ACAT1: variants seen among roughly 807,000 people sequenced by gnomAD.
The protein encoded by ACAT1 is acetyl-CoA acetyltransferase 1.
A neutral mutation model predicts 47.3 loss-of-function variants in ACAT1; 28 were observed. The ratio of observed to expected loss-of-function variants is 0.59; its 90% confidence interval spans 0.44 to 0.81. The LOEUF (loss-of-function observed/expected upper bound fraction) is 0.81. Ranked by LOEUF, ACAT1 falls within the 30% of genes least tolerant of loss-of-function variation. ACAT1 has a pLI of 0.00. For synonymous variants in ACAT1, 181 were observed against 173.6 expected (o/e 1.04, Z -0.34); for missense variants, 469 against 524.3 (o/e 0.89, Z 1.03).
intron 9 of ACAT1, chr11:108,143,691 C>A: frequency 3.6e-6 from 1 of 279,918 alleles, no homozygotes; most frequent in Non-Finnish European, 6.8e-6. Flanking sequence ...TAGCAGAATC[C>A]TTAGTCTTTA....
chr11:108,127,305 C>G (rs1006565057), intron 1 of ACAT1, among the ~76,000 whole-genome samples: 4 of 150,016 alleles, frequency 2.7e-5, no homozygotes, highest in Non-Finnish European at 1.5e-5. Context: ...CACTCTGTCA[C>G]CCAGGCTGGA....
At position 108,134,320 on chromosome 11, in the gene ACAT1, C is replaced by T; in HGVS notation, c.334+4C>T. ...AGGCAGGCAGTATTGGGTGCAGGTA[C>T]CTGGAAGACTTTTTTGCTTTTATAC... On this transcript the variant is annotated splice_donor_region_variant and intron_variant, in intron 4 of 11. Coordinates refer to ENST00000265838, the MANE Select transcript of ACAT1 (RefSeq NM_000019.4). 1 of 1,612,024 alleles carries T rather than the reference C, an allele frequency of 6.2e-7. No individual in the cohort carries two copies. Among genetic ancestry groups the T allele is most frequent in the Non-Finnish European group, 8.5e-7 (1 of 1,178,658 alleles).
chr11:108,121,278 C>T, upstream of ACAT1: 1 of 464,132 alleles, frequency 2.2e-6, no homozygotes, highest in Non-Finnish European at 4.0e-6. Context: ...CTCAGTAAAT[C>T]GAAAAATCTC....
intron 6 of ACAT1, among the ~76,000 whole-genome samples, chr11:108,139,751 C>T (rs537699275): frequency 6.2e-4 from 95 of 152,218 alleles, no homozygotes; most frequent in Non-Finnish European, 1.2e-3. Context: ...GCCTCCGCCT[C>T]CTGGGCTCAA....
chr11:108,121,787 T>C (rs965871887), intron 1 of ACAT1, 109 bp downstream of exon 1: 1 of 1,295,532 alleles, frequency 7.7e-7, no homozygotes, highest in Non-Finnish European at 1.1e-6. Flanking sequence ...GGCGCGCGGC[T>C]TAGGCCCCAG....
At chr11:108,135,100 T>G (rs1219381825) in intron 4 of ACAT1, 42 bp from the exon 5 acceptor site, 1 of 1,409,740 alleles carries the variant, frequency 7.1e-7, no homozygotes, top group East Asian at 2.3e-5. Flanking sequence ...TGCAGTTGTG[T>G]TTGAGTATCG....
intron 5 of ACAT1, among the ~76,000 whole-genome samples, chr11:108,137,119 C>T (rs531731500): frequency 2.4e-4 from 36 of 152,238 alleles, no homozygotes; most frequent in Non-Finnish European, 4.4e-4. Context: ...ATATTAAAAG[C>T]ATTGCATAGT....
upstream of ACAT1, chr11:108,121,506 A>G (rs1171075601): frequency 3.1e-6 from 4 of 1,311,338 alleles, no homozygotes; most frequent in African/African-American, 5.8e-5. Context: ...TATTGGAGGA[A>G]GCGGGATGGG....
At chr11:108,146,583 C>T (rs2077714409) in intron 11 of ACAT1, among the ~76,000 whole-genome samples, 1 of 152,162 alleles carries the variant, frequency 6.6e-6, no homozygotes, top group African/African-American at 2.4e-5. Flanking sequence ...AAAAAGTGTA[C>T]ATTTAGACTT....
At chr11:108,129,589 GA>G (rs2077318242) in intron 1 of ACAT1, among the ~76,000 whole-genome samples, 1 of 152,058 alleles carries the variant, frequency 6.6e-6, no homozygotes, top group East Asian at 1.9e-4. Flanking sequence ...GGCTGGTCTT[GA>G]ACTCCCGACC....
upstream of ACAT1, among the ~76,000 whole-genome samples, chr11:108,119,031 T>C (rs955538363): frequency 2.0e-5 from 3 of 152,196 alleles, no homozygotes; most frequent in African/African-American, 7.2e-5. Context: ...ACTGCCTAGA[T>C]TCCAATTGCA....
chr11:108,143,969 C>CTT lies in ACAT1; in HGVS notation c.941-8_941-7dup. 1 of 685,210 alleles carries CTT rather than the reference C, an allele frequency of 1.5e-6. No homozygotes were observed. Among genetic ancestry groups the CTT allele is most frequent in the Non-Finnish European group, 2.3e-6 (1 of 444,284 alleles). The allele number at this position is 685,210 out of a possible 1,614,324, so 42.4% of individuals were successfully genotyped here. On this transcript the variant is annotated splice_polypyrimidine_tract_variant and intron_variant, in intron 9 of 11. Coordinates refer to ENST00000265838, the MANE Select transcript of ACAT1 (RefSeq NM_000019.4). The stretch of plus-strand genomic sequence containing the variant: ...AAAGATTTTAACAACCCCCCCCCCC[C>CTT]TTTTTTTAAACAGCATTTGCTGACG...
chr11:108,146,077 C>T, intron 10 of ACAT1, 125 bp from the exon 11 acceptor site: 1 of 901,432 alleles, frequency 1.1e-6, no homozygotes, highest in Non-Finnish European at 1.8e-6. Flanking sequence ...GAGATCCTTC[C>T]ATCTGAAACC....
intron 7 of ACAT1, among the ~76,000 whole-genome samples, chr11:108,140,959 C>T (rs2077571697): frequency 6.6e-6 from 1 of 152,070 alleles, no homozygotes; most frequent in South Asian, 2.1e-4. Context: ...GGTGCAGTGG[C>T]TCACACCTGT....
intron 10 of ACAT1, 52 bp from the exon 11 acceptor site, chr11:108,146,150 A>G (rs2077703302): frequency 1.4e-6 from 2 of 1,409,614 alleles, no homozygotes; most frequent in Non-Finnish European, 2.0e-6. Context: ...TGATGACAGT[A>G]AGTTGTGATT....
In ACAT1 at chr11:108,142,429, G is replaced by C; in HGVS notation, c.827-8G>C. ...ATGTTTTGACTTCAACCTCATTTTT[G>C]CTTTCAGGCACAGTAACAGCTGCCA... On this transcript the variant is annotated splice_polypyrimidine_tract_variant and splice_region_variant and intron_variant, in intron 8 of 11. Coordinates refer to ENST00000265838, the MANE Select transcript of ACAT1 (RefSeq NM_000019.4). 1 of 1,610,636 alleles carries C rather than the reference G, an allele frequency of 6.2e-7. No homozygotes were observed. Among genetic ancestry groups the C allele is most frequent in the Non-Finnish European group, 8.5e-7 (1 of 1,177,118 alleles).
chr11:108,121,597 C>G lies in ACAT1; in HGVS notation c.-10C>G, dbSNP rs373627341. ...ACGCCTGTGGAGCCGATACTCAGCC[C>G]TCTGCGACCATGGCTGTGCTGGCGG... On this transcript the variant is annotated 5_prime_UTR_variant, in exon 1 of 12. Transcript: ENST00000265838. 2 of 1,550,508 alleles carry G rather than the reference C, an allele frequency of 1.3e-6. No individual in the cohort carries two copies. The highest frequency in any genetic ancestry group is 1.4e-5 in the African/African-American group (1 of 73,114).
At chr11:108,127,560 GC>G (rs1322639278) in intron 1 of ACAT1, among the ~76,000 whole-genome samples, 1 of 152,106 alleles carries the variant, frequency 6.6e-6, no homozygotes, top group African/African-American at 2.4e-5. Context: ...GAGCCACTGT[GC>G]CCGGCCTCAT....
chr11:108,131,198 C>G (rs2077349616), intron 1 of ACAT1, among the ~76,000 whole-genome samples: 1 of 151,908 alleles, frequency 6.6e-6, no homozygotes, highest in East Asian at 1.9e-4. Context: ...ATAAATCAGA[C>G]AATTGTTGGA....
Sources: gnomAD v4.1 joint callset for allele counts (sites outside exome capture counted in the v4.1 genomes callset) on GRCh38, gnomAD v4.1.1 for gene constraint, MANE v1.5 for transcripts, NCBI Gene and HGNC (gene_info 2026-07-23, HGNC 2026-07-21) for gene names.